The following RALGAPA2 variants were observed in gnomAD, a reference collection of about 807,000 sequenced individuals.
RALGAPA2 encodes ral GTPase-activating protein subunit alpha-2.
Under a neutral mutation model 230.4 loss-of-function variants are expected in RALGAPA2, and 139 were observed. The observed-to-expected ratio is 0.60, with a 90% CI of 0.53 to 0.69. RALGAPA2 has a LOEUF of 0.69. RALGAPA2 is among the 30% of genes least tolerant of loss of function. The pLI is 0.00. For synonymous variants in RALGAPA2, 847 were observed against 837.8 expected, an observed-to-expected ratio of 1.01 and a Z score of -0.19; for missense variants, 2,163 against 2,276.0, an observed-to-expected ratio of 0.95 and a Z score of 1.01.
chr20:20,401,301 G>T (rs1008268984), intron 38 of RALGAPA2, among the ~76,000 whole-genome samples: 3 of 152,092 alleles, frequency 2.0e-5, no homozygotes, highest in Non-Finnish European at 4.4e-5. Flanking sequence ...GATTTTAGAA[G>T]AAAAATCCCC....
chr20:20,433,927 T>C (rs1019744335), intron 37 of RALGAPA2, among the ~76,000 whole-genome samples: 3 of 152,256 alleles, frequency 2.0e-5, no homozygotes, highest in East Asian at 1.9e-4. Context: ...GTATTTTATA[T>C]AGTAAAGTAT....
chr20:20,582,944 T>A (rs898863693), intron 20 of RALGAPA2, 106 bp downstream of exon 20: 1 of 1,225,504 alleles, frequency 8.2e-7, no homozygotes, highest in Admixed American at 2.3e-5. Context: ...CATGGCACAC[T>A]TCCTCCTACA....
At chr20:20,592,191 G>A (rs1462545371) in intron 16 of RALGAPA2, among the ~76,000 whole-genome samples, 4 of 152,012 alleles carry the variant, frequency 2.6e-5, no homozygotes, top group African/African-American at 9.7e-5. Flanking sequence ...TCCTCTCCAT[G>A]GTCCATCTAA....
intron 27 of RALGAPA2, among the ~76,000 whole-genome samples, chr20:20,529,131 C>A (rs2063304416): frequency 6.6e-6 from 1 of 152,308 alleles, no homozygotes; most frequent in African/African-American, 2.4e-5. Flanking sequence ...TCCTCAGAGA[C>A]CAGGACTTAA....
intron 3 of RALGAPA2, among the ~76,000 whole-genome samples, chr20:20,654,358 T>C (rs2067512378): frequency 6.6e-6 from 1 of 152,152 alleles, no homozygotes; most frequent in African/African-American, 2.4e-5. Flanking sequence ...TCGGCTAATA[T>C]TTGTATTTTT....
Position 20,392,974 on chromosome 20 carries a change from G to T in RALGAPA2, c.*315C>A. On this transcript the variant is annotated 3_prime_UTR_variant, in exon 40 of 40. Transcript: ENST00000202677. ...GTCAGTGGGTTCATCTCTGGTTTTT[G>T]GTGACTTTTTCTTTTCTTCTTTGGA... is the stretch of plus-strand genomic sequence containing the variant. 3.1e-6 allele frequency: 3 copies of T among 974,662 alleles called. No homozygotes were observed. Among genetic ancestry groups the T allele is most frequent in the South Asian group, 1.6e-5 (1 of 62,904 alleles). 60.4% of individuals were successfully genotyped at this position (974,662 alleles called of 1,614,324 possible). A position where few individuals can be genotyped will look rare whatever the true frequency, so the allele number is the denominator to read the frequency against.
At position 20,599,301 on chromosome 20, in the gene RALGAPA2, A is replaced by C. The variant is rs138221743; in HGVS notation, c.2203+2381T>G. On this transcript the variant is annotated intron_variant, in intron 16 of 39. Transcript: ENST00000202677. Reference sequence around the variant, plus strand: ...AAAGCTCAAGAACACATAAAAGTCAAGTTGAACATTAAAAGATTTGATATT... The same window carrying C: ...AAAGCTCAAGAACACATAAAAGTCACGTTGAACATTAAAAGATTTGATATT... Among the ~76,000 whole-genome samples the C allele has an allele frequency of 6.3e-3, 967 of 152,368 alleles. 14 individuals are homozygous for C. Among genetic ancestry groups the C allele is most frequent in the African/African-American group, 0.022 (905 of 41,596 alleles).
At chr20:20,543,096 G>A (rs1259350756) in intron 24 of RALGAPA2, among the ~76,000 whole-genome samples, 1 of 152,020 alleles carries the variant, frequency 6.6e-6, no homozygotes, top group Non-Finnish European at 1.5e-5. Flanking sequence ...CCAGGCTAGA[G>A]TGCAGTGGTG....
chr20:20,589,194 A>C, intron 18 of RALGAPA2, 74 bp downstream of exon 18: 1 of 1,435,832 alleles, frequency 7.0e-7, no homozygotes, highest in Non-Finnish European at 9.2e-7. Flanking sequence ...CACTGCCACC[A>C]ATAAATTTAC....
chr20:20,406,451 G>A (rs1282336325), intron 38 of RALGAPA2, among the ~76,000 whole-genome samples: 1 of 152,192 alleles, frequency 6.6e-6, no homozygotes, highest in Non-Finnish European at 1.5e-5. Context: ...GGAAGACTTG[G>A]GCTGTGTCCA....
intron 3 of RALGAPA2, among the ~76,000 whole-genome samples, chr20:20,672,754 A>G (rs1434311322): frequency 2.0e-5 from 3 of 152,220 alleles, no homozygotes; most frequent in Non-Finnish European, 2.9e-5. Context: ...ATTTGAGAAG[A>G]CAATAGCTAA....
intron 15 of RALGAPA2, among the ~76,000 whole-genome samples, chr20:20,602,196 C>T (rs1193425493): frequency 6.6e-6 from 1 of 152,042 alleles, no homozygotes; most frequent in African/African-American, 2.4e-5. Context: ...CTCCAAAAAC[C>T]ACTACTTATA....
chr20:20,659,226 C>G (rs773864837), intron 3 of RALGAPA2, among the ~76,000 whole-genome samples: 2 of 152,162 alleles, frequency 1.3e-5, no homozygotes, highest in Non-Finnish European at 2.9e-5. Context: ...TTCAGAGGGA[C>G]CCACGTGCAT....
intron 3 of RALGAPA2, among the ~76,000 whole-genome samples, chr20:20,666,619 A>T (rs1324496270): frequency 6.6e-6 from 1 of 152,236 alleles, no homozygotes; most frequent in Non-Finnish European, 1.5e-5. Context: ...GGAATAAGAA[A>T]TAACAAAGCA....
chr20:20,695,129 C>A (rs1318031547), intron 1 of RALGAPA2, among the ~76,000 whole-genome samples: 1 of 152,014 alleles, frequency 6.6e-6, no homozygotes, highest in Non-Finnish European at 1.5e-5. Flanking sequence ...TCTTAAGACC[C>A]AAACAATATA....
chr20:20,640,750 G>A lies in RALGAPA2; in HGVS notation c.501C>T (p.Gly167=), dbSNP rs2067004080. ...PGFPAVMSSR[G]PCTLETLINP... is the part of the protein sequence containing the mutation. ...TGATGAGTGTCTCCAGTGTGCAAGG[G>A]CCCCTGGATGACATGACTGCTGGGA... The change falls in exon 6 of 40, where the codon GGC becomes GGT. Residue 167 remains glycine (G), a synonymous_variant. Transcript: ENST00000202677. 6.2e-7 allele frequency: 1 copy of A among 1,613,872 alleles called. No individual in the cohort carries two copies. The highest frequency in any genetic ancestry group is 8.5e-7 in the Non-Finnish European group (1 of 1,179,838).
chr20:20,556,209 C>A (rs920959761), intron 23 of RALGAPA2, among the ~76,000 whole-genome samples: 7 of 152,208 alleles, frequency 4.6e-5, no homozygotes, highest in African/African-American at 1.7e-4. Flanking sequence ...CAGCTCGCTC[C>A]CTCAGCCCCA....
chr20:20,524,845 C>T lies in RALGAPA2; in HGVS notation c.3747G>A (p.Val1249=). The T allele has an allele frequency of 6.2e-7, 1 of 1,607,166 alleles. No homozygotes were observed. Among genetic ancestry groups the T allele is most frequent in the Non-Finnish European group, 8.5e-7 (1 of 1,177,484 alleles). The stretch of plus-strand genomic sequence containing the variant: ...TGCCACCTACCTTCTTGTCTGTTTC[C>T]ACTGAGGAGTACTCTGCACTTGGTA... ...FLLPSAEYSS[V]ETDKKFIVSL... The change falls in exon 29 of 40, where the codon GTG becomes GTA. Residue 1249 remains valine (V), a synonymous_variant. Transcript: ENST00000202677.
chr20:20,505,494 C>T lies in RALGAPA2; in HGVS notation c.4969G>A (p.Gly1657Ser). ...HKIAVFYIAE[G>S]QEDKCSILSN... is the part of the protein sequence containing the mutation. Reference sequence around the variant, plus strand: ...AGGATTGAACACTTGTCTTCTTGACCTTCAGCAATGTAAAACACTGCGATT... The same window carrying T: ...AGGATTGAACACTTGTCTTCTTGACTTTCAGCAATGTAAAACACTGCGATT... Residue 1657 changes from glycine to serine, a missense_variant, in exon 34 of 40, where the codon GGT becomes AGT. Transcript: ENST00000202677. 1 of 1,605,216 alleles carries T rather than the reference C, an allele frequency of 6.2e-7. No individual in the cohort carries two copies. Among genetic ancestry groups the T allele is most frequent in the Admixed American group, 1.7e-5 (1 of 59,080 alleles).
Sources: gnomAD v4.1 joint callset for allele counts (sites outside exome capture counted in the v4.1 genomes callset) on GRCh38, gnomAD v4.1.1 for gene constraint, MANE v1.5 for transcripts, NCBI Gene and HGNC (gene_info 2026-07-23, HGNC 2026-07-21) for gene names.